GABRA2: variants seen among roughly 807,000 people sequenced by gnomAD.
GABRA2 encodes the protein gamma-aminobutyric acid type A receptor subunit alpha2, also known as gamma-aminobutyric acid receptor subunit alpha-2.
A neutral mutation model predicts 48.7 loss-of-function variants in GABRA2; 16 were observed. The ratio of observed to expected loss-of-function variants is 0.33; its 90% CI spans 0.22 to 0.50. The LOEUF is 0.50. GABRA2 is among the 20% of genes least tolerant of loss of function. The probability of loss-of-function intolerance (pLI) is 0.98; values close to 1 mark genes in which losing one functional copy is unlikely to be tolerated. For synonymous variants in GABRA2, 185 were observed against 184.5 expected (o/e 1.00, Z -0.02); for missense variants, 275 against 535.6 (o/e 0.51, Z 4.80).
chr4:46,258,109 A>G lies in GABRA2; in HGVS notation c.1059+3817T>C, dbSNP rs77203949. ...TCGTAAGTTAAAAGGTATGGTGTATAGTTATCAATAATGACCTTGAATAGT... is the reference window on the plus strand; with the variant it reads ...TCGTAAGTTAAAAGGTATGGTGTATGGTTATCAATAATGACCTTGAATAGT... On this transcript the variant is annotated intron_variant, in intron 9 of 9. Transcript: ENST00000381620. 3.5e-4 allele frequency among the ~76,000 whole-genome samples: 53 copies of G among 151,910 alleles called. 1 individual carries two copies. The East Asian group carries it at 6.4e-3, about 18-fold the overall frequency.
At chr4:46,293,761 A>T (rs1701653901) in intron 8 of GABRA2, among the ~76,000 whole-genome samples, 1 of 152,162 alleles carries the variant, frequency 6.6e-6, no homozygotes, top group Non-Finnish European at 1.5e-5. Context: ...ACAATATCGC[A>T]TCCCTGGAGG....
At chr4:46,306,070 T>G (rs778671908) in intron 6 of GABRA2, among the ~76,000 whole-genome samples, 3 of 152,158 alleles carry the variant, frequency 2.0e-5, no homozygotes, top group Non-Finnish European at 4.4e-5. Flanking sequence ...TTAGCTTATT[T>G]ATAAATAGCA....
At chr4:46,268,472 T>C (rs1718680621) in intron 8 of GABRA2, among the ~76,000 whole-genome samples, 1 of 151,858 alleles carries the variant, frequency 6.6e-6, no homozygotes, top group South Asian at 2.1e-4. Context: ...TTGGAGGATA[T>C]CAATTAAAAC....
intron 5 of GABRA2, among the ~76,000 whole-genome samples, chr4:46,311,005 C>A (rs279863): frequency 0.38 from 57,449 of 151,848 alleles, 11,558 homozygotes; most frequent in East Asian, 0.52. Flanking sequence ...ATGAGCAAAG[C>A]AAATGTGACC....
intron 3 of GABRA2, among the ~76,000 whole-genome samples, chr4:46,378,270 A>G (rs537132183): frequency 1.3e-5 from 2 of 152,216 alleles, no homozygotes; most frequent in Non-Finnish European, 1.5e-5. Context: ...GTGTCTGTGT[A>G]GAAAGAGGTA....
intron 8 of GABRA2, among the ~76,000 whole-genome samples, chr4:46,284,287 T>C (rs1412654883): frequency 6.6e-6 from 1 of 152,152 alleles, no homozygotes; most frequent in Non-Finnish European, 1.5e-5. Context: ...TATGTATGTA[T>C]AACAAAATGA....
At chr4:46,343,803 G>T (rs571054545) in intron 3 of GABRA2, among the ~76,000 whole-genome samples, 52 of 152,022 alleles carry the variant, frequency 3.4e-4, no homozygotes, top group African/African-American at 1.2e-3. Flanking sequence ...TAATATAAAA[G>T]ATTTTGCCAT....
At position 46,366,301 on chromosome 4, in the gene GABRA2, C is replaced by A. The variant is rs940382025; in HGVS notation, c.187+19773G>T. 10 of 152,126 alleles carry A rather than the reference C, an allele frequency of 6.6e-5. No individual in the cohort carries two copies. The East Asian group carries it at 1.4e-3, about 21-fold the overall frequency. The allele number at this position is 152,126 out of a possible 1,614,324, so 9.4% of individuals were successfully genotyped here. ...TGGATATACGTCAAACTCAGGATGACCAAGAAATGCAATAATAAGAACACC... is the reference window on the plus strand; with the variant it reads ...TGGATATACGTCAAACTCAGGATGAACAAGAAATGCAATAATAAGAACACC... On this transcript the variant is annotated intron_variant, in intron 3 of 9. Transcript: ENST00000381620.
chr4:46,352,491 A>G (rs979111187), intron 3 of GABRA2, among the ~76,000 whole-genome samples: 5 of 152,072 alleles, frequency 3.3e-5, no homozygotes, highest in Non-Finnish European at 7.4e-5. Context: ...TATGTATCCC[A>G]TCTGTAAATG....
rs1405842238 is a variant in GABRA2 at position 46,245,743 on chromosome 4, A to AAG, written c.*4563_*4564dup. On this transcript the variant is annotated 3_prime_UTR_variant, in exon 10 of 10. Coordinates refer to ENST00000381620, the MANE Select transcript of GABRA2 (RefSeq NM_000807.4). ...ACACACATCACTGACACACACAGCTAAGACCCTATTAAAAGATCTTTGGGA... is the reference window on the plus strand; with the variant it reads ...ACACACATCACTGACACACACAGCTAAGAGACCCTATTAAAAGATCTTTGGGA... 3.3e-5 allele frequency among the ~76,000 whole-genome samples: 5 copies of AAG among 151,174 alleles called. No homozygotes were observed. Among genetic ancestry groups the AAG allele is most frequent in the Non-Finnish European group, 5.9e-5 (4 of 67,420 alleles).
chr4:46,253,576 A>G (rs1172383136), intron 9 of GABRA2, among the ~76,000 whole-genome samples: 1 of 151,558 alleles, frequency 6.6e-6, no homozygotes, highest in African/African-American at 2.4e-5. Flanking sequence ...GCTTCACTCT[A>G]TGAATCAGCA....
chr4:46,345,935 T>A (rs914799942), intron 3 of GABRA2, among the ~76,000 whole-genome samples: 1 of 151,980 alleles, frequency 6.6e-6, no homozygotes. Context: ...GAATGTACAA[T>A]GCTGAGAGTA....
chr4:46,300,624 A>G (rs754935066), intron 8 of GABRA2, among the ~76,000 whole-genome samples: 1 of 152,000 alleles, frequency 6.6e-6, no homozygotes, highest in African/African-American at 2.4e-5. Context: ...TATAAGGAAC[A>G]TCAAAATACA....
At chr4:46,387,246 GA>G (rs1267836760) in intron 2 of GABRA2, among the ~76,000 whole-genome samples, 2 of 152,058 alleles carry the variant, frequency 1.3e-5, no homozygotes, top group African/African-American at 4.8e-5. Context: ...TAAACACTGA[GA>G]TTTTCAATGA....
intron 6 of GABRA2, among the ~76,000 whole-genome samples, chr4:46,309,505 A>T (rs1727270941): frequency 1.3e-5 from 2 of 151,882 alleles, no homozygotes; most frequent in African/African-American, 4.8e-5. Context: ...ACCTACCCAG[A>T]ATGTCATGTG....
intron 6 of GABRA2, among the ~76,000 whole-genome samples, chr4:46,307,918 T>C (rs879663934): frequency 6.6e-6 from 1 of 152,144 alleles, no homozygotes; most frequent in African/African-American, 2.4e-5. Context: ...TTAACACACA[T>C]ATAAGCCGAG....
Position 46,389,938 on chromosome 4 carries a change from G to C in GABRA2, c.-214C>G. The C allele has an allele frequency of 7.1e-6, 7 of 988,672 alleles. No individual in the cohort carries two copies. The highest frequency in any genetic ancestry group is 8.4e-6 in the Non-Finnish European group (7 of 832,016). 61.2% of individuals were successfully genotyped at this position (988,672 alleles called of 1,614,324 possible). Reference sequence around the variant, plus strand: ...GGAGAGGAGCGCTAGGAGCCGCGGCGGCGGCGCGAGGTGTAGAAGGAGGCG... The same window carrying C: ...GGAGAGGAGCGCTAGGAGCCGCGGCCGCGGCGCGAGGTGTAGAAGGAGGCG... On this transcript the variant is annotated 5_prime_UTR_variant, in exon 1 of 10. Transcript: ENST00000381620.
At chr4:46,327,387 G>C (rs1002936549) in intron 4 of GABRA2, among the ~76,000 whole-genome samples, 26 of 151,938 alleles carry the variant, frequency 1.7e-4, no homozygotes, top group African/African-American at 6.3e-4. Flanking sequence ...CTAGGAGGGT[G>C]CTGAAAAATA....
Position 46,250,608 on chromosome 4 carries a change from T to C in GABRA2, c.1060-4A>G. 2 of 1,579,530 alleles carry C rather than the reference T, an allele frequency of 1.3e-6. No individual in the cohort carries two copies. Among genetic ancestry groups the C allele is most frequent in the Non-Finnish European group, 8.6e-7 (1 of 1,166,290 alleles). ...TAACGGAAGCCTTTTCTTTTTTCTATTGAAAAATACAAAAATTAACAGAGT... is the reference window on the plus strand; with the variant it reads ...TAACGGAAGCCTTTTCTTTTTTCTACTGAAAAATACAAAAATTAACAGAGT... On this transcript the variant is annotated splice_polypyrimidine_tract_variant and splice_region_variant and intron_variant, in intron 9 of 9. Transcript: ENST00000381620.
Sources: allele counts gnomAD v4.1 joint callset (sites outside exome capture counted in the v4.1 genomes callset), GRCh38; gene constraint gnomAD v4.1.1; transcripts MANE v1.5; gene names NCBI Gene and HGNC (gene_info 2026-07-23, HGNC 2026-07-21).